The following TRIM33 variants were observed in gnomAD, a reference collection of about 807,000 sequenced individuals.
TRIM33 encodes tripartite motif containing 33, also known as E3 ubiquitin-protein ligase TRIM33.
Under a neutral mutation model 125.4 loss-of-function variants are expected in TRIM33, and 20 were observed. The ratio of observed to expected loss-of-function variants is 0.16; its 90% confidence interval spans 0.11 to 0.23. TRIM33 has a LOEUF of 0.23. Ranked by LOEUF, TRIM33 falls within the 10% of genes least tolerant of loss-of-function variation. The pLI, the probability that TRIM33 is intolerant of heterozygous loss-of-function variation, is 1.00. For synonymous variants in TRIM33, 564 were observed against 513.9 expected (o/e 1.10, Z -1.32); for missense variants, 920 against 1,411.4 (o/e 0.65, Z 5.58).
intron 4 of TRIM33, among the ~76,000 whole-genome samples, chr1:114,435,670 T>G (rs754292000): frequency 1.3e-5 from 2 of 152,082 alleles, no homozygotes; most frequent in Non-Finnish European, 2.9e-5. Context: ...ATTTCTGTTA[T>G]AGAAAACTGC....
Position 114,397,589 on chromosome 1 carries a change from G to GTTTTTTTTTTTTTTTTTTTTTTTTTT in TRIM33, c.*58_*59insAAAAAAAAAAAAAAAAAAAAAAAAAA. 1.6e-6 allele frequency: 1 copy of GTTTTTTTTTTTTTTTTTTTTTTTTTT among 637,684 alleles called. No homozygotes were observed. The highest frequency in any genetic ancestry group is 2.4e-6 in the Non-Finnish European group (1 of 424,414). The allele number at this position is 637,684 out of a possible 1,614,324, so 39.5% of individuals were successfully genotyped here. ...CTTAAAAGTTTTCTGGGTTTTTTGTGTTTTTTTTTTTTTTTTCGTTTTTTT... is the reference window on the plus strand; with the variant it reads ...CTTAAAAGTTTTCTGGGTTTTTTGTGTTTTTTTTTTTTTTTTTTTTTTTTTTTTTTTTTTTTTTTTTTCGTTTTTTT... On this transcript the variant is annotated 3_prime_UTR_variant, in exon 20 of 20. Coordinates refer to ENST00000358465, the MANE Select transcript of TRIM33 (RefSeq NM_015906.4).
chr1:114,447,915 C>T (rs555973999), intron 4 of TRIM33, among the ~76,000 whole-genome samples: 1 of 152,116 alleles, frequency 6.6e-6, no homozygotes, highest in Non-Finnish European at 1.5e-5. Context: ...ACAATGCTGA[C>T]AGTCAAAAGC....
intron 4 of TRIM33, among the ~76,000 whole-genome samples, chr1:114,445,919 G>A (rs894357954): frequency 6.6e-6 from 1 of 151,986 alleles, no homozygotes; most frequent in African/African-American, 2.4e-5. Context: ...GTGCAGTGGG[G>A]TGATCTCAGC....
At chr1:114,460,039 TA>T in intron 4 of TRIM33, 1 of 165,112 alleles carries the variant, frequency 6.1e-6, no homozygotes, top group Non-Finnish European at 1.3e-5. Flanking sequence ...CCCTCTTTCC[TA>T]AGAGCTAAGA....
chr1:114,452,760 G>A (rs1282771477), intron 4 of TRIM33, among the ~76,000 whole-genome samples: 1 of 150,814 alleles, frequency 6.6e-6, no homozygotes, highest in African/African-American at 2.4e-5. Context: ...AAATTAGCCA[G>A]GGATGGTAGT....
chr1:114,464,198 C>T (rs533816922), intron 2 of TRIM33, 72 bp downstream of exon 2: 78 of 764,028 alleles, frequency 1.0e-4, no homozygotes, highest in Non-Finnish European at 1.4e-4. Flanking sequence ...ACTTAACTAT[C>T]CAAACATGTT....
intron 11 of TRIM33, among the ~76,000 whole-genome samples, chr1:114,414,027 G>GCACACATACACA (rs1652768023): frequency 7.7e-6 from 1 of 130,588 alleles, no homozygotes; most frequent in African/African-American, 3.0e-5. Context: ...TAAATCACAG[G>GCACACATACACA]CACACACACA....
chr1:114,458,645 T>C (rs1437173990), intron 4 of TRIM33, among the ~76,000 whole-genome samples: 2 of 152,154 alleles, frequency 1.3e-5, no homozygotes, highest in Non-Finnish European at 2.9e-5. Flanking sequence ...TTGAGAAATA[T>C]TTCTCAAATA....
At chr1:114,407,502 A>G (rs1652324130) in intron 13 of TRIM33, among the ~76,000 whole-genome samples, 1 of 152,154 alleles carries the variant, frequency 6.6e-6, no homozygotes, top group Non-Finnish European at 1.5e-5. Context: ...CACTACCAGA[A>G]CTTCCTGGGA....
Position 114,510,949 on chromosome 1 carries a change from AC to A in TRIM33, c.127del (p.Val43TrpfsTer136). 7.1e-7 allele frequency: 1 copy of A among 1,404,914 alleles called. No homozygotes were observed. Among genetic ancestry groups the A allele is most frequent in the South Asian group, 1.5e-5 (1 of 66,808 alleles). The allele number at this position is 1,404,914 out of a possible 1,614,324, so 87.0% of individuals were successfully genotyped here. A position where few individuals can be genotyped will look rare whatever the true frequency, so the allele number is the denominator to read the frequency against. On this transcript the variant is annotated frameshift_variant, in exon 1 of 20. Coordinates refer to ENST00000358465, the MANE Select transcript of TRIM33 (RefSeq NM_015906.4). LOFTEE classifies it high-confidence loss of function. ...EAEPPLTAVL[V>X]EEEEEEGGRA... Reference sequence around the variant, plus strand: ...GCCGCCTTCCTCCTCCTCCTCCTCCACCAGCACCGCGGTGAGAGGCGGCTCC... The same window carrying A: ...GCCGCCTTCCTCCTCCTCCTCCTCCACAGCACCGCGGTGAGAGGCGGCTCC...
intron 4 of TRIM33, among the ~76,000 whole-genome samples, chr1:114,448,959 T>C (rs80267897): frequency 0.015 from 2,291 of 152,210 alleles, 30 homozygotes; most frequent in Middle Eastern, 0.065. Context: ...CTAGAGTGTC[T>C]GAAGGATCAA....
rs1429095582 is a variant in TRIM33, at chr1:114,510,754, C to G, written c.323G>C (p.Gly108Ala). 1.3e-6 allele frequency: 2 copies of G among 1,524,142 alleles called. No homozygotes were observed. Among genetic ancestry groups the G allele is most frequent in the Admixed American group, 2.0e-5 (1 of 49,626 alleles). 94.4% of individuals were successfully genotyped at this position (1,524,142 alleles called of 1,614,324 possible). ...APAPASAPAP[G>A]PSAGPPPGPP... ...TCCAGGAGGCGGCCCTGCCGAGGGACCCGGAGCGGGAGCCGAGGCTGGAGC... is the reference window on the plus strand; with the variant it reads ...TCCAGGAGGCGGCCCTGCCGAGGGAGCCGGAGCGGGAGCCGAGGCTGGAGC... The change falls in exon 1 of 20, where the codon GGT (glycine) becomes GCT (alanine). Residue 108 changes from glycine (G) to alanine (A), a missense_variant. Physicochemically the swap from Gly to Ala is moderately conservative, Grantham distance 60. This residue lies in a region of TRIM33 where 233 missense variants were observed against 189.6 expected (regional missense o/e 1.23). Coordinates refer to ENST00000358465, the MANE Select transcript of TRIM33 (RefSeq NM_015906.4).
chr1:114,450,138 C>T (rs6675600), intron 4 of TRIM33, among the ~76,000 whole-genome samples: 53,570 of 152,004 alleles, frequency 0.35, 10,114 homozygotes, highest in African/African-American at 0.46. Context: ...ACGCCTGTAA[C>T]CCCAGCTACT....
chr1:114,506,350 T>C (rs1653003425), intron 1 of TRIM33, among the ~76,000 whole-genome samples: 2 of 140,494 alleles, frequency 1.4e-5, no homozygotes, highest in Admixed American at 7.5e-5. Flanking sequence ...ACCATTGCAC[T>C]CCAGCCTGGG....
chr1:114,479,962 C>CA (rs1284318944), intron 1 of TRIM33, among the ~76,000 whole-genome samples: 1 of 152,122 alleles, frequency 6.6e-6, no homozygotes, highest in Non-Finnish European at 1.5e-5. Flanking sequence ...GCCCGGCCGC[C>CA]ACCCCGTCTG....
At chr1:114,460,924 A>C (rs1649942424) in intron 4 of TRIM33, among the ~76,000 whole-genome samples, 1 of 152,104 alleles carries the variant, frequency 6.6e-6, no homozygotes, top group Admixed American at 6.5e-5. Flanking sequence ...AATTTGTAAT[A>C]AATTGGCAGT....
chr1:114,508,303 A>C (rs1653125694), intron 1 of TRIM33, among the ~76,000 whole-genome samples: 1 of 152,172 alleles, frequency 6.6e-6, no homozygotes, highest in Non-Finnish European at 1.5e-5. Flanking sequence ...TCTCCTTCAT[A>C]AATTTCAGAG....
intron 1 of TRIM33, among the ~76,000 whole-genome samples, chr1:114,510,308 T>G (rs1570698231): frequency 6.6e-6 from 1 of 151,762 alleles, no homozygotes; most frequent in Non-Finnish European, 1.5e-5. Context: ...TCACAAACCC[T>G]CCCTCGGAGC....
chr1:114,419,752 C>T (rs1200488508), intron 11 of TRIM33, among the ~76,000 whole-genome samples: 1 of 152,152 alleles, frequency 6.6e-6, no homozygotes, highest in East Asian at 1.9e-4. Context: ...TAAATTACAG[C>T]TGCTCTTACA....
Sources: gnomAD v4.1 joint callset for allele counts (sites outside exome capture counted in the v4.1 genomes callset) on GRCh38, gnomAD v4.1.1 for gene constraint, gnomAD v4.1.1 regional missense constraint, MANE v1.5 for transcripts, NCBI Gene and HGNC (gene_info 2026-07-23, HGNC 2026-07-21) for gene names.